Variants in ZNF787 observed in about 807,000 individuals in gnomAD.
ZNF787 encodes zinc finger protein 787.
Under a neutral mutation model 16.9 loss-of-function variants are expected in ZNF787, and 7 were observed. The ratio of observed to expected loss-of-function variants is 0.42; its 90% CI spans 0.24 to 0.78. The LOEUF is 0.78. ZNF787 is among the 30% of genes least tolerant of loss of function. The pLI, the probability that ZNF787 is intolerant of heterozygous loss-of-function variation, is 0.30. For synonymous variants in ZNF787, 345 were observed against 270.9 expected (o/e 1.27, Z -2.69); for missense variants, 551 against 589.3 (o/e 0.94, Z 0.67).
intron 2 of ZNF787, chr19:56,102,666 C>T: frequency 3.9e-6 from 2 of 515,056 alleles, no homozygotes; most frequent in Middle Eastern, 5.0e-4. Flanking sequence ...GGGTTCCCTG[C>T]ACTCCTGAGC....
intron 2 of ZNF787, among the ~76,000 whole-genome samples, chr19:56,097,800 G>A (rs1015512861): frequency 1.3e-5 from 2 of 152,130 alleles, no homozygotes; most frequent in African/African-American, 4.8e-5. Flanking sequence ...CTGGCCCAGG[G>A]GACACACAGC....
intron 1 of ZNF787, among the ~76,000 whole-genome samples, chr19:56,104,444 G>A (rs368557395): frequency 1.2e-5 from 1 of 83,218 alleles, no homozygotes; most frequent in Non-Finnish European, 2.3e-5. Context: ...GGGTCCCTAC[G>A]CACGCCGCCG....
intron 1 of ZNF787, chr19:56,103,585 G>A (rs1437237376): frequency 1.1e-5 from 3 of 278,136 alleles, no homozygotes; most frequent in Non-Finnish European, 2.0e-5. Flanking sequence ...TGGAGAACAT[G>A]TTACTGTCAA....
chr19:56,116,729 C>CG (rs1207936770), intron 1 of ZNF787, among the ~76,000 whole-genome samples: 1 of 152,108 alleles, frequency 6.6e-6, no homozygotes, highest in African/African-American at 2.4e-5. Context: ...GATTCTCCCC[C>CG]GGGGCCTTTG....
chr19:56,092,112 A>T (rs1157227696), intron 2 of ZNF787, among the ~76,000 whole-genome samples: 1 of 150,672 alleles, frequency 6.6e-6, no homozygotes, highest in East Asian at 1.9e-4. Flanking sequence ...TCCACCTCAC[A>T]GCACCATCTT....
intron 2 of ZNF787, among the ~76,000 whole-genome samples, chr19:56,089,738 T>C (rs1047982939): frequency 6.6e-6 from 1 of 152,222 alleles, no homozygotes; most frequent in Non-Finnish European, 1.5e-5. Context: ...GGTCAGCCCC[T>C]GGTGTGGGGG....
chr19:56,118,072 T>C (rs548702862), intron 1 of ZNF787, among the ~76,000 whole-genome samples: 2 of 152,226 alleles, frequency 1.3e-5, no homozygotes, highest in East Asian at 3.8e-4. Context: ...CAGACAGGCC[T>C]GGGGCCGCCC....
chr19:56,108,581 C>G (rs2029893201), intron 1 of ZNF787, among the ~76,000 whole-genome samples: 1 of 152,130 alleles, frequency 6.6e-6, no homozygotes, highest in Middle Eastern at 3.4e-3. Flanking sequence ...GCTGGCCTGT[C>G]CTCCCGGCAC....
chr19:56,100,418 C>T, intron 2 of ZNF787, among the ~76,000 whole-genome samples: 1 of 152,150 alleles, frequency 6.6e-6, no homozygotes, highest in East Asian at 1.9e-4. Context: ...TGTCTGAGGA[C>T]CCCACAAGGT....
intron 1 of ZNF787, among the ~76,000 whole-genome samples, chr19:56,115,354 CTTTTT>C (rs543989293): frequency 2.7e-5 from 3 of 113,164 alleles, no homozygotes; most frequent in South Asian, 5.6e-4. Flanking sequence ...GATTTCGCTG[CTTTTT>C]TTTTTTTTTT....
intron 2 of ZNF787, among the ~76,000 whole-genome samples, chr19:56,098,862 C>G (rs1985982745): frequency 6.8e-6 from 1 of 146,510 alleles, no homozygotes; most frequent in African/African-American, 2.7e-5. Flanking sequence ...GATATGGCCA[C>G]CCGGGTGATA....
chr19:56,113,735 G>C (rs573278051), intron 1 of ZNF787, among the ~76,000 whole-genome samples: 1 of 152,236 alleles, frequency 6.6e-6, no homozygotes, highest in African/African-American at 2.4e-5. Flanking sequence ...GAAGATGCAC[G>C]GCGTTTCTTT....
intron 2 of ZNF787, among the ~76,000 whole-genome samples, chr19:56,091,948 A>AAAGCCGAAACCGAAACCG (rs1985599242): frequency 3.9e-5 from 1 of 25,526 alleles, no homozygotes; most frequent in African/African-American, 5.3e-5. Context: ...AGCCAAAGCC[A>AAAGCCGAAACCGAAACCG]AAGCCGAAAC....
Position 56,088,677 on chromosome 19 carries a change from C to G in ZNF787, c.495G>C (p.Leu165=). Residue 165 remains leucine, a synonymous_variant, in exon 3 of 3, where the codon CTG becomes CTC. Transcript: ENST00000610935. This position sits in a 1 kb window ranked among gnomAD's most constrained non-coding sequence, Gnocchi z 8.6. The part of the protein sequence containing the change: ...CGRSFTQSKS[L]AKHRRSHSGL... ...CGCTGTGCGAGCGCCGGTGCTTGGC[C>G]AGGCTCTTGCTCTGAGTGAAGCTGC... 6.3e-7 allele frequency: 1 copy of G among 1,584,800 alleles called. No homozygotes were observed. Among genetic ancestry groups the G allele is most frequent in the South Asian group, 1.1e-5 (1 of 88,428 alleles).
At chr19:56,113,436 T>C (rs2030040139) in intron 1 of ZNF787, among the ~76,000 whole-genome samples, 1 of 152,192 alleles carries the variant, frequency 6.6e-6, no homozygotes, top group Admixed American at 6.5e-5. Context: ...CACAGAAGCA[T>C]CAGGCATAAC....
At chr19:56,098,983 C>T (rs2123403403) in intron 2 of ZNF787, among the ~76,000 whole-genome samples, 1 of 152,302 alleles carries the variant, frequency 6.6e-6, no homozygotes, top group South Asian at 2.1e-4. Flanking sequence ...GAGGCACTGC[C>T]TCGGTGTGGC....
intron 2 of ZNF787, among the ~76,000 whole-genome samples, chr19:56,099,860 G>A (rs1275978550): frequency 1.3e-5 from 2 of 152,118 alleles, no homozygotes; most frequent in Non-Finnish European, 2.9e-5. Context: ...AGTGTGTAGG[G>A]CTGGGAGGCT....
At chr19:56,094,326 C>T (rs1423330790) in intron 2 of ZNF787, among the ~76,000 whole-genome samples, 1 of 151,868 alleles carries the variant, frequency 6.6e-6, no homozygotes, top group African/African-American at 2.4e-5. Context: ...GCCACCATAC[C>T]TGGCTAATTT....
chr19:56,087,994 C>CCG lies in ZNF787; in HGVS notation c.*28_*29insCG. On this transcript the variant is annotated 3_prime_UTR_variant, in exon 3 of 3. Coordinates refer to ENST00000610935, the MANE Select transcript of ZNF787 (RefSeq NM_001002836.4). ...TCGCTCCCGCCAAGCCCGAGGGGCC[C>CCG]TGCCCGCCCCCCCCCCCGGGCCCCT... 8.0e-7 allele frequency: 1 copy of CCG among 1,248,942 alleles called. No individual in the cohort carries two copies. 77.4% of individuals were successfully genotyped at this position (1,248,942 alleles called of 1,614,324 possible).
Sources: gnomAD v4.1 joint callset for allele counts (sites outside exome capture counted in the v4.1 genomes callset) on GRCh38, gnomAD v4.1.1 for gene constraint, Gnocchi (gnomAD v3.1) non-coding constraint, MANE v1.5 for transcripts, NCBI Gene and HGNC (gene_info 2026-07-23, HGNC 2026-07-21) for gene names.